SLC1A3: variants seen among roughly 807,000 people sequenced by gnomAD.
The protein encoded by SLC1A3 is solute carrier family 1 member 3, also known as excitatory amino acid transporter 1.
A neutral mutation model predicts 48.1 loss-of-function variants in SLC1A3; 21 were observed. The ratio of observed to expected loss-of-function variants is 0.44; its 90% CI spans 0.31 to 0.63. SLC1A3 has a LOEUF of 0.63. SLC1A3 is among the 20% of genes least tolerant of loss of function. SLC1A3 has a pLI of 0.08. For synonymous variants in SLC1A3, 239 were observed against 251.4 expected (o/e 0.95, Z 0.47); for missense variants, 546 against 689.0 (o/e 0.79, Z 2.32).
intron 3 of SLC1A3, among the ~76,000 whole-genome samples, chr5:36,631,856 G>A (rs989328037): frequency 1.3e-5 from 2 of 152,238 alleles, no homozygotes; most frequent in Non-Finnish European, 2.9e-5. Context: ...AATGGGAAGG[G>A]AGGAACTTCT....
intron 2 of SLC1A3, among the ~76,000 whole-genome samples, chr5:36,620,595 C>A (rs138241692): frequency 3.0e-4 from 46 of 152,244 alleles, no homozygotes; most frequent in African/African-American, 1.1e-3. Context: ...ACTGTTGGAT[C>A]CTGCTCATCT....
intron 3 of SLC1A3, among the ~76,000 whole-genome samples, chr5:36,637,638 A>G (rs1740447468): frequency 6.6e-6 from 1 of 152,176 alleles, no homozygotes; most frequent in African/African-American, 2.4e-5. Flanking sequence ...GTGGAACTGC[A>G]GGTTTCTTCT....
At position 36,686,212 on chromosome 5, in the gene SLC1A3, A is replaced by G; in HGVS notation, c.1572A>G (p.Gln524=). Residue 524 remains glutamine (Q), a synonymous_variant, in exon 10 of 10, where the codon CAA becomes CAG. Coordinates refer to ENST00000265113, the MANE Select transcript of SLC1A3 (RefSeq NM_004172.5). Reference sequence around the variant, plus strand: ...AGAATGAAATGAAGAAACCATATCAACTGATTGCACAGGACAATGAAACTG... The same window carrying G: ...AGAATGAAATGAAGAAACCATATCAGCTGATTGCACAGGACAATGAAACTG... The part of the protein sequence containing the change: ...IEENEMKKPY[Q]LIAQDNETEK... 2 of 1,614,230 alleles carry G rather than the reference A, an allele frequency of 1.2e-6. No homozygotes were observed. Among genetic ancestry groups the G allele is most frequent in the Non-Finnish European group, 1.7e-6 (2 of 1,180,008 alleles).
In SLC1A3 at chr5:36,671,053, C is replaced by T; in HGVS notation, c.344C>T (p.Ala115Val). 1 of 1,613,954 alleles carries T rather than the reference C, an allele frequency of 6.2e-7. No homozygotes were observed. Residue 115 changes from alanine to valine, a missense_variant, in exon 4 of 10, where the codon GCA (alanine) becomes GTA (valine). Ala to Val is a moderately conservative substitution (Grantham distance 64). Coordinates refer to ENST00000265113, the MANE Select transcript of SLC1A3 (RefSeq NM_004172.5). ...VTGMAALDSK[A>V]SGKMGMRAVV... ...GGAATGGCGGCGCTAGATAGTAAGG[C>T]ATCAGGGAAGATGGGAATGCGAGCT...
chr5:36,597,233 C>CTTTTTTTTTTTTTTTT lies in SLC1A3; in HGVS notation c.-96+571_-96+586dup, dbSNP rs70976237. On this transcript the variant is annotated intron_variant, in intron 1 of 9. Transcript: ENST00000680318. ...CACACCGAAAACTTCTTCTTCCTTTCTTTTTTTTTTTTTTTTTTTTTTTTT... is the reference window on the plus strand; with the variant it reads ...CACACCGAAAACTTCTTCTTCCTTTCTTTTTTTTTTTTTTTTTTTTTTTTTTTTTTTTTTTTTTTTT... Among the ~76,000 whole-genome samples the CTTTTTTTTTTTTTTTT allele has an allele frequency of 2.8e-4, 13 of 46,114 alleles. 3 individuals are homozygous for CTTTTTTTTTTTTTTTT. Among genetic ancestry groups the CTTTTTTTTTTTTTTTT allele is most frequent in the South Asian group, 1.2e-3 (1 of 838 alleles). The allele number at this position is 46,114 out of a possible 152,430, so 30.3% of individuals were successfully genotyped here. A position where few individuals can be genotyped will look rare whatever the true frequency, so the allele number is the denominator to read the frequency against.
At chr5:36,644,716 C>G (rs1740765517) in intron 3 of SLC1A3, among the ~76,000 whole-genome samples, 1 of 152,208 alleles carries the variant, frequency 6.6e-6, no homozygotes, top group South Asian at 2.1e-4. Flanking sequence ...TTTTACACTG[C>G]TTTGAGTTAG....
At position 36,685,888 on chromosome 5, in the gene SLC1A3, T is replaced by A. The variant is rs10057629; in HGVS notation, c.1425-177T>A. On this transcript the variant is annotated intron_variant, in intron 9 of 9. Coordinates refer to ENST00000265113, the MANE Select transcript of SLC1A3 (RefSeq NM_004172.5). ...TGAACATTCATCATCTATATGGCCT[T>A]ATAACCTTTAATAGCTACTATTATG... is the stretch of plus-strand genomic sequence containing the variant. Among the ~76,000 whole-genome samples, 48,881 of 152,210 alleles carry A rather than the reference T, an allele frequency of 0.32. 8,116 individuals are homozygous for A. Among genetic ancestry groups the A allele is most frequent in the Admixed American group, 0.39 (6,027 of 15,284 alleles).
At chr5:36,597,348 G>C (rs868020758) in intron 1 of SLC1A3, among the ~76,000 whole-genome samples, 3 of 134,792 alleles carry the variant, frequency 2.2e-5, no homozygotes, top group African/African-American at 2.7e-5. Context: ...CCGGGTTCAC[G>C]CCATTCTCCT....
intron 3 of SLC1A3, among the ~76,000 whole-genome samples, chr5:36,653,293 G>A (rs1741158971): frequency 6.6e-6 from 1 of 152,148 alleles, no homozygotes; most frequent in Non-Finnish European, 1.5e-5. Flanking sequence ...AGCGACACTG[G>A]TTTTCAAAAT....
intron 2 of SLC1A3, among the ~76,000 whole-genome samples, chr5:36,624,488 TG>T (rs1375106415): frequency 6.6e-6 from 1 of 152,208 alleles, no homozygotes; most frequent in African/African-American, 2.4e-5. Context: ...TGTGTGGTTT[TG>T]GCAATTTACC....
At chr5:36,667,416 G>A (rs971186314) in intron 3 of SLC1A3, among the ~76,000 whole-genome samples, 1 of 152,162 alleles carries the variant, frequency 6.6e-6, no homozygotes, top group Non-Finnish European at 1.5e-5. Context: ...GTTAGAGAAA[G>A]TCAGCATGGA....
At chr5:36,640,936 TA>T (rs1740593638) in intron 3 of SLC1A3, among the ~76,000 whole-genome samples, 1 of 152,060 alleles carries the variant, frequency 6.6e-6, no homozygotes, top group South Asian at 2.1e-4. Context: ...TGTACTATTT[TA>T]AGATTATATT....
At chr5:36,648,976 A>G (rs1410430064) in intron 3 of SLC1A3, among the ~76,000 whole-genome samples, 1 of 152,226 alleles carries the variant, frequency 6.6e-6, no homozygotes, top group Admixed American at 6.5e-5. Context: ...TATAGTCCTT[A>G]TGTATGTTTA....
At chr5:36,612,841 A>G (rs1376201207) in intron 2 of SLC1A3, 6 of 455,992 alleles carry the variant, frequency 1.3e-5, no homozygotes, top group Admixed American at 4.7e-5. Context: ...CATTCACCAC[A>G]CTGTTCTGGG....
intron 2 of SLC1A3, among the ~76,000 whole-genome samples, chr5:36,614,080 A>G (rs1372161048): frequency 6.6e-6 from 1 of 152,216 alleles, no homozygotes; most frequent in Non-Finnish European, 1.5e-5. Context: ...GTTTATGTCC[A>G]GTTCTGGAAC....
intron 3 of SLC1A3, among the ~76,000 whole-genome samples, chr5:36,641,793 A>C (rs1740625945): frequency 6.6e-6 from 1 of 152,228 alleles, no homozygotes; most frequent in Non-Finnish European, 1.5e-5. Context: ...TATAATAAAA[A>C]ATGTTTACAT....
At chr5:36,616,647 G>A (rs1388006459) in intron 2 of SLC1A3, among the ~76,000 whole-genome samples, 1 of 152,168 alleles carries the variant, frequency 6.6e-6, no homozygotes, top group African/African-American at 2.4e-5. Context: ...TGTATGATGA[G>A]GCTCGTTTAT....
chr5:36,671,806 C>A (rs1031659301), intron 4 of SLC1A3, among the ~76,000 whole-genome samples: 2 of 152,194 alleles, frequency 1.3e-5, no homozygotes, highest in African/African-American at 2.4e-5. Flanking sequence ...GTTTTACATA[C>A]AAACCATACG....
chr5:36,646,099 A>C (rs1473180946), intron 3 of SLC1A3, among the ~76,000 whole-genome samples: 1 of 152,238 alleles, frequency 6.6e-6, no homozygotes, highest in Non-Finnish European at 1.5e-5. Context: ...TAACCCACTG[A>C]ATACTCTTTA....
Sources: allele counts gnomAD v4.1 joint callset (sites outside exome capture counted in the v4.1 genomes callset), GRCh38; gene constraint gnomAD v4.1.1; transcripts MANE v1.5; gene names NCBI Gene and HGNC (gene_info 2026-07-23, HGNC 2026-07-21).